Variants in TSNARE1 observed in about 807,000 individuals in gnomAD.
TSNARE1 encodes t-SNARE domain-containing protein 1.
In TSNARE1, 49 loss-of-function variants were observed where a neutral mutation model predicts 62.0. That is an observed-to-expected ratio of 0.79 (90% confidence interval 0.63 to 1.00). The LOEUF (loss-of-function observed/expected upper bound fraction) is 1.00, where lower values mean the gene tolerates loss of function less well. TSNARE1 is among the 50% of genes least tolerant of loss of function. The probability of loss-of-function intolerance (pLI) is 0.00; values close to 1 mark genes in which losing one functional copy is unlikely to be tolerated. For synonymous variants in TSNARE1, 328 were observed against 294.4 expected, an observed-to-expected ratio of 1.11 and a Z score of -1.17; for missense variants, 755 against 700.1, an observed-to-expected ratio of 1.08 and a Z score of -0.88.
intron 9 of TSNARE1, among the ~76,000 whole-genome samples, chr8:142,306,184 G>A (rs56151184): frequency 0.096 from 14,601 of 152,190 alleles, 1,732 homozygotes; most frequent in African/African-American, 0.27. Flanking sequence ...GGACGGACAC[G>A]GCTGTGGCAA....
At chr8:142,340,701 A>G (rs1832463341) in intron 4 of TSNARE1, among the ~76,000 whole-genome samples, 1 of 152,230 alleles carries the variant, frequency 6.6e-6, no homozygotes, top group Non-Finnish European at 1.5e-5. Flanking sequence ...CTCAGTCCCA[A>G]GGGTGCCATC....
Position 142,232,071 on chromosome 8 carries a change from C to T in TSNARE1, c.1447-2492G>A, listed in dbSNP as rs542273155. Among the ~76,000 whole-genome samples the T allele has an allele frequency of 2.6e-5, 4 of 152,368 alleles. No homozygotes were observed. The South Asian group carries it at 8.3e-4, about 32-fold the overall frequency. ...AGGCAGTTCCACTTCCAGGCCTGTG[C>T]TCCACATCACTGCCAGACCGTGGCC... On this transcript the variant is annotated intron_variant, in intron 12 of 13. Transcript: ENST00000524325.
chr8:142,307,019 T>G (rs1037316167), intron 9 of TSNARE1, among the ~76,000 whole-genome samples: 2 of 152,166 alleles, frequency 1.3e-5, no homozygotes, highest in African/African-American at 4.8e-5. Context: ...TGTCCACCAG[T>G]GGGGCCTGGT....
chr8:142,379,751 C>T (rs944987471), intron 1 of TSNARE1, among the ~76,000 whole-genome samples: 4 of 152,152 alleles, frequency 2.6e-5, no homozygotes, highest in Non-Finnish European at 4.4e-5. Flanking sequence ...TCCAGCTTTA[C>T]GGGTGGGGCC....
At chr8:142,312,628 T>C (rs772544018) in intron 9 of TSNARE1, among the ~76,000 whole-genome samples, 5 of 152,334 alleles carry the variant, frequency 3.3e-5, no homozygotes, top group Non-Finnish European at 7.3e-5. Flanking sequence ...GTTCAGCTTT[T>C]CCTGTAAAGT....
intron 9 of TSNARE1, among the ~76,000 whole-genome samples, chr8:142,310,086 G>A (rs577352496): frequency 3.4e-4 from 52 of 151,974 alleles, no homozygotes; most frequent in African/African-American, 1.3e-3. Context: ...TCTGACAACT[G>A]GTAATCTGTA....
At chr8:142,244,854 G>C (rs1817820409) in intron 12 of TSNARE1, among the ~76,000 whole-genome samples, 1 of 152,214 alleles carries the variant, frequency 6.6e-6, no homozygotes, top group Admixed American at 6.5e-5. Flanking sequence ...ACCGGCAAGG[G>C]GCCTTCCTGC....
intron 13 of TSNARE1, among the ~76,000 whole-genome samples, chr8:142,220,189 G>C (rs1382246818): frequency 1.3e-5 from 2 of 152,168 alleles, no homozygotes; most frequent in East Asian, 3.8e-4. Context: ...CACCGGGTGG[G>C]CTGCAGGCCT....
chr8:142,326,075 GAGCACGAGAC>G (rs1830186797), intron 6 of TSNARE1: 3 of 171,572 alleles, frequency 1.7e-5, no homozygotes, highest in African/African-American at 7.7e-5. Flanking sequence ...AGGCCCCGGA[GAGCACGAGAC>G]GGATGACGAA....
intron 11 of TSNARE1, among the ~76,000 whole-genome samples, chr8:142,279,695 G>A (rs1048261033): frequency 6.6e-6 from 1 of 152,162 alleles, no homozygotes; most frequent in African/African-American, 2.4e-5. Flanking sequence ...CCTAAAAGAA[G>A]AGATGGGCCA....
intron 6 of TSNARE1, among the ~76,000 whole-genome samples, chr8:142,325,819 A>G (rs536195614): frequency 1.9e-4 from 29 of 152,312 alleles, no homozygotes; most frequent in African/African-American, 7.0e-4. Context: ...AACGAAGACC[A>G]GGGCCCTGGA....
intron 1 of TSNARE1, among the ~76,000 whole-genome samples, chr8:142,366,330 G>A (rs995395063): frequency 1.3e-5 from 2 of 151,976 alleles, no homozygotes; most frequent in African/African-American, 2.4e-5. Context: ...GTATAACCAT[G>A]TCACCAAAAC....
intron 12 of TSNARE1, among the ~76,000 whole-genome samples, chr8:142,249,260 C>T (rs1024635324): frequency 9.2e-5 from 14 of 152,226 alleles, no homozygotes; most frequent in Admixed American, 7.8e-4. Context: ...GCGGTGGACC[C>T]AGGCCTGTGC....
chr8:142,234,417 A>G (rs1817294331), intron 12 of TSNARE1, among the ~76,000 whole-genome samples: 1 of 151,338 alleles, frequency 6.6e-6, no homozygotes, highest in South Asian at 2.1e-4. Flanking sequence ...TGGCACCATG[A>G]CCACAACCAC....
rs375486936 is a variant in TSNARE1, at chr8:142,351,908, C to T, written c.88+2729G>A. Among the ~76,000 whole-genome samples, 39 of 152,218 alleles carry T rather than the reference C, an allele frequency of 2.6e-4. 2 individuals carry two copies. The highest frequency in any genetic ancestry group is 1.7e-3 in the Admixed American group (26 of 15,302). ...CCTCCACACTCACCCCACCTCACAC[C>T]GTAAACAAAAATCAAAGGTCAATTA... is the stretch of plus-strand genomic sequence containing the variant. On this transcript the variant is annotated intron_variant, in intron 2 of 13. Coordinates refer to ENST00000524325, the MANE Select transcript of TSNARE1 (RefSeq NM_145003.5).
At chr8:142,280,227 C>T (rs1821191145) in intron 11 of TSNARE1, 1 of 985,354 alleles carries the variant, frequency 1.0e-6, no homozygotes, top group Non-Finnish European at 1.2e-6. Flanking sequence ...GGCCCGGCCG[C>T]AGGGGTGTGG....
chr8:142,336,848 T>G (rs1436731836), intron 4 of TSNARE1, among the ~76,000 whole-genome samples: 1 of 152,150 alleles, frequency 6.6e-6, no homozygotes, highest in Non-Finnish European at 1.5e-5. Context: ...TAGAAATCAG[T>G]AACAGAAAGT....
At chr8:142,372,590 C>A (rs968013944) in intron 1 of TSNARE1, among the ~76,000 whole-genome samples, 1 of 152,170 alleles carries the variant, frequency 6.6e-6, no homozygotes, top group African/African-American at 2.4e-5. Flanking sequence ...GGCAAAGGGG[C>A]TCCTGCCTGG....
chr8:142,251,696 T>C (rs1818170932), intron 12 of TSNARE1, among the ~76,000 whole-genome samples: 1 of 151,780 alleles, frequency 6.6e-6, no homozygotes, highest in South Asian at 2.1e-4. Flanking sequence ...CCGCCCGCGT[T>C]CTCTATCTGC....
Sources: allele counts gnomAD v4.1 joint callset (sites outside exome capture counted in the v4.1 genomes callset), GRCh38; gene constraint gnomAD v4.1.1; transcripts MANE v1.5; gene names NCBI Gene and HGNC (gene_info 2026-07-23, HGNC 2026-07-21).